Variants in NETO1 observed in about 807,000 individuals in gnomAD.
NETO1 encodes the protein neuropilin and tolloid like 1.
A neutral mutation model predicts 61.3 loss-of-function variants in NETO1; 26 were observed. The ratio of observed to expected loss-of-function variants is 0.42; its 90% CI spans 0.31 to 0.59. NETO1 has a LOEUF of 0.59. Ranked by LOEUF, NETO1 falls within the 20% of genes least tolerant of loss-of-function variation. The pLI is 0.12. For missense variants in NETO1, 531 were observed against 662.8 expected, an observed-to-expected ratio of 0.80 and a Z score of 2.18; for synonymous variants, 225 against 225.8, an observed-to-expected ratio of 1.00 and a Z score of 0.03.
At chr18:72,782,441 C>G (rs1402627344) in intron 7 of NETO1, among the ~76,000 whole-genome samples, 2 of 152,182 alleles carry the variant, frequency 1.3e-5, no homozygotes, top group Non-Finnish European at 2.9e-5. Flanking sequence ...ACATTCCCAC[C>G]AGCAGTGCGT....
Position 72,864,917 on chromosome 18 carries a change from CT to C in NETO1, c.110del (p.Lys37SerfsTer36). On this transcript the variant is annotated frameshift_variant, in exon 3 of 11. Coordinates refer to ENST00000327305, the MANE Select transcript of NETO1 (RefSeq NM_138966.5). LOFTEE classifies it high-confidence loss of function. ...TTGTCCAAGTTCCACACTGCACTGA[CT>C]TCTGTGTTTCTGAGGTGGTTTGCTT... is the stretch of plus-strand genomic sequence containing the variant. ...TEKQTTSETQ[K>X]SVQCGTWTKH... 6.2e-7 allele frequency: 1 copy of C among 1,602,052 alleles called. No homozygotes were observed. The highest frequency in any genetic ancestry group is 1.1e-5 in the South Asian group (1 of 87,476).
At position 72,746,861 on chromosome 18, in the gene NETO1, CAG is replaced by C. The variant is rs2070443042; in HGVS notation, c.*1316_*1317del. On this transcript the variant is annotated 3_prime_UTR_variant, in exon 11 of 11. Transcript: ENST00000327305. ...TAACCACTCACCAAATCAAACTTTA[CAG>C]AGTGTGTATATAATTTAATAGCAGT... is the stretch of plus-strand genomic sequence containing the variant. Among the ~76,000 whole-genome samples the C allele has an allele frequency of 6.6e-6, 1 of 151,924 alleles. No homozygotes were observed. The highest frequency in any genetic ancestry group is 1.5e-5 in the Non-Finnish European group (1 of 67,934).
chr18:72,831,974 T>G (rs2073595752), intron 4 of NETO1, among the ~76,000 whole-genome samples: 1 of 152,212 alleles, frequency 6.6e-6, no homozygotes, highest in African/African-American at 2.4e-5. Flanking sequence ...TAGCATAGTT[T>G]GAGTTAAAGG....
Position 72,745,602 on chromosome 18 carries a change from T to C in NETO1, c.*2577A>G, listed in dbSNP as rs999453409. 1 of 152,212 alleles carries C rather than the reference T, an allele frequency of 6.6e-6. No individual in the cohort carries two copies. Among genetic ancestry groups the C allele is most frequent in the Non-Finnish European group, 1.5e-5 (1 of 68,026 alleles). 9.4% of individuals were successfully genotyped at this position (152,212 alleles called of 1,614,324 possible). On this transcript the variant is annotated 3_prime_UTR_variant, in exon 11 of 11. Coordinates refer to ENST00000327305, the MANE Select transcript of NETO1 (RefSeq NM_138966.5). The stretch of plus-strand genomic sequence containing the variant: ...TGAGACATCTCATTCCTTATCTATG[T>C]GTGTCACCACCTTTAGAATGTGGGC...
chr18:72,789,950 G>A (rs189684459), intron 6 of NETO1, among the ~76,000 whole-genome samples: 68 of 152,180 alleles, frequency 4.5e-4, no homozygotes, highest in African/African-American at 1.5e-3. Flanking sequence ...CAGCAATTGG[G>A]GCTGGAAATC....
At chr18:72,857,575 C>G (rs1365318784) in intron 4 of NETO1, among the ~76,000 whole-genome samples, 1 of 152,166 alleles carries the variant, frequency 6.6e-6, no homozygotes, top group Non-Finnish European at 1.5e-5. Flanking sequence ...TCTCTAGGTA[C>G]AGGTTATATT....
At chr18:72,751,220 A>G (rs2070605428) in intron 8 of NETO1, among the ~76,000 whole-genome samples, 1 of 152,196 alleles carries the variant, frequency 6.6e-6, no homozygotes, top group Admixed American at 6.5e-5. Flanking sequence ...TAAAAACTCA[A>G]CCAATTAAAG....
At chr18:72,777,577 A>G (rs951274524) in intron 7 of NETO1, among the ~76,000 whole-genome samples, 5 of 62,632 alleles carry the variant, frequency 8.0e-5, no homozygotes, top group East Asian at 9.6e-4. Flanking sequence ...CGTCTCCACT[A>G]AAAAATACAA....
intron 4 of NETO1, chr18:72,835,345 A>C (rs1599113116): frequency 6.4e-7 from 1 of 1,571,518 alleles, no homozygotes; most frequent in Non-Finnish European, 8.7e-7. Flanking sequence ...TAATTAAAGA[A>C]GTTTAATTAG....
intron 7 of NETO1, among the ~76,000 whole-genome samples, chr18:72,780,630 A>G (rs555971526): frequency 8.3e-4 from 126 of 152,270 alleles, no homozygotes; most frequent in African/African-American, 2.9e-3. Context: ...CATATTTTAT[A>G]TCCTTCATAG....
chr18:72,775,304 T>C (rs1207891579), intron 7 of NETO1, among the ~76,000 whole-genome samples: 2 of 152,234 alleles, frequency 1.3e-5, no homozygotes, highest in African/African-American at 2.4e-5. Flanking sequence ...GCTTCTAATG[T>C]GCACTTGCAA....
In NETO1 at chr18:72,851,209, C is replaced by T. The variant is rs563394392; in HGVS notation, c.469+7617G>A. ...GGCGGATCACCTGAGGTCGGGAGTTCGAGACCAGCCTGATCAACGTGGAGA... is the reference window on the plus strand; with the variant it reads ...GGCGGATCACCTGAGGTCGGGAGTTTGAGACCAGCCTGATCAACGTGGAGA... On this transcript the variant is annotated intron_variant, in intron 4 of 10. Transcript: ENST00000327305. 9.0e-4 allele frequency among the ~76,000 whole-genome samples: 137 copies of T among 152,190 alleles called. 1 individual carries two copies. In the South Asian group the frequency reaches 0.024, roughly 26 times the overall value.
intron 4 of NETO1, among the ~76,000 whole-genome samples, chr18:72,800,694 T>A (rs2035158724): frequency 6.6e-6 from 1 of 152,172 alleles, no homozygotes; most frequent in Non-Finnish European, 1.5e-5. Context: ...AACCGGTCCC[T>A]GGTGCTAAAA....
intron 7 of NETO1, among the ~76,000 whole-genome samples, chr18:72,782,704 C>T (rs1366584667): frequency 6.6e-5 from 10 of 151,752 alleles, no homozygotes; most frequent in African/African-American, 1.9e-4. Context: ...CTCAGGAGGC[C>T]GAGGCAGGAG....
At chr18:72,854,044 A>G (rs933367408) in intron 4 of NETO1, among the ~76,000 whole-genome samples, 4 of 152,016 alleles carry the variant, frequency 2.6e-5, no homozygotes, top group African/African-American at 9.7e-5. Flanking sequence ...TATTTTAATA[A>G]TATATTTCAT....
chr18:72,786,358 A>G (rs1023117939), intron 6 of NETO1, among the ~76,000 whole-genome samples: 2 of 152,230 alleles, frequency 1.3e-5, no homozygotes, highest in African/African-American at 4.8e-5. Flanking sequence ...AAATCCAGAC[A>G]CAATTTGATG....
chr18:72,805,800 G>C (rs138438085), intron 4 of NETO1, among the ~76,000 whole-genome samples: 167 of 152,240 alleles, frequency 1.1e-3, no homozygotes, highest in African/African-American at 3.8e-3. Flanking sequence ...TGGGAGTGAC[G>C]TAACCTAAAG....
chr18:72,838,898 T>C (rs1599122406), intron 4 of NETO1, among the ~76,000 whole-genome samples: 1 of 152,332 alleles, frequency 6.6e-6, no homozygotes, highest in South Asian at 2.1e-4. Context: ...AAAGTTTTCA[T>C]TAAAATTTTG....
rs190149097 is a variant in NETO1, at chr18:72,841,666, G to A, written c.469+17160C>T. On this transcript the variant is annotated intron_variant, in intron 4 of 10. Coordinates refer to ENST00000327305, the MANE Select transcript of NETO1 (RefSeq NM_138966.5). ...AGAGAATTGCTTGAGCCCTGAAGGC[G>A]GAGGTTGCAGTGAGCTGAGATTGTG... Among the ~76,000 whole-genome samples, 634 of 145,548 alleles carry A rather than the reference G, an allele frequency of 4.4e-3. 5 individuals carry two copies. Among genetic ancestry groups the A allele is most frequent in the African/African-American group, 0.015 (592 of 38,986 alleles).
Sources: gnomAD v4.1 joint callset for allele counts (sites outside exome capture counted in the v4.1 genomes callset) on GRCh38, gnomAD v4.1.1 for gene constraint, MANE v1.5 for transcripts, NCBI Gene and HGNC (gene_info 2026-07-23, HGNC 2026-07-21) for gene names.